GLUD1: variants seen among roughly 807,000 people sequenced by gnomAD.
GLUD1 encodes the protein glutamate dehydrogenase 1, mitochondrial.
GLUD1 carries 22 observed loss-of-function variants against 56.0 expected under a neutral mutation model. That is an observed-to-expected ratio of 0.39 (90% CI 0.28 to 0.56). GLUD1 has a LOEUF of 0.56. GLUD1 is among the 20% of genes least tolerant of loss of function. GLUD1 has a pLI of 0.58. For synonymous variants in GLUD1, 223 were observed against 269.9 expected, an observed-to-expected ratio of 0.83 and a Z score of 1.70; for missense variants, 451 against 732.0, an observed-to-expected ratio of 0.62 and a Z score of 4.43.
At chr10:87,060,338 G>T (rs1268437008) in intron 8 of GLUD1, 97 bp from the exon 9 acceptor site, 1 of 854,716 alleles carries the variant, frequency 1.2e-6, no homozygotes. Context: ...AGGGGCTGTG[G>T]GGAGAAGCAC....
chr10:87,081,627 C>T, intron 1 of GLUD1, among the ~76,000 whole-genome samples: 1 of 152,150 alleles, frequency 6.6e-6, no homozygotes, highest in Non-Finnish European at 1.5e-5. Flanking sequence ...CCTTGGGATC[C>T]TGTTGATCTG....
chr10:87,051,820 T>C lies in GLUD1; in HGVS notation c.1608A>G (p.Thr536=), dbSNP rs1002909835. ...TCTCAATGGCATTAACATAGGCAGC[T>C]GTTCTCAGGTCCAATCCCAGGTTAT... ...MKYNLGLDLR[T]AAYVNAIEKV... The change falls in exon 13 of 13, where the codon ACA becomes ACG. Residue 536 remains threonine, a synonymous_variant. Transcript: ENST00000277865. 4.3e-6 allele frequency: 7 copies of C among 1,613,968 alleles called. No individual in the cohort carries two copies. In the South Asian group the frequency reaches 4.4e-5, roughly 10 times the overall value.
intron 1 of GLUD1, chr10:87,093,999 T>G (rs1420605436): frequency 1.4e-6 from 2 of 1,451,228 alleles, no homozygotes; most frequent in African/African-American, 2.8e-5. Flanking sequence ...AGAAGTGCAT[T>G]TCGGCAGGAC....
intron 4 of GLUD1, among the ~76,000 whole-genome samples, chr10:87,068,600 G>A (rs1846139699): frequency 6.6e-6 from 1 of 152,112 alleles, no homozygotes; most frequent in Admixed American, 6.5e-5. Flanking sequence ...GCTTAGTGGG[G>A]GTATAAGCCC....
At position 87,094,762 on chromosome 10, in the gene GLUD1, CG is replaced by C; in HGVS notation, c.7del (p.Arg3AlafsTer87). Reference sequence around the variant, plus strand: ...CAGCAACAGCGCTTCGCCCAGGTAGCGGTACATGGCCACAAGCGGAGGGGAG... The same window carrying C: ...CAGCAACAGCGCTTCGCCCAGGTAGCGTACATGGCCACAAGCGGAGGGGAG... MY[R>X]YLGEALLLSR... On this transcript the variant is annotated frameshift_variant, in exon 1 of 13. Transcript: ENST00000277865. LOFTEE classifies it high-confidence loss of function. The surrounding 1 kb of genome is among the most constrained non-coding windows in gnomAD (Gnocchi z 6.6). 1 of 1,537,322 alleles carries C rather than the reference CG, an allele frequency of 6.5e-7. No homozygotes were observed. Among genetic ancestry groups the C allele is most frequent in the Non-Finnish European group, 8.8e-7 (1 of 1,139,832 alleles).
Position 87,067,900 on chromosome 10 carries a change from C to T in GLUD1, c.741+163G>A, listed in dbSNP as rs565722076. Reference sequence around the variant, plus strand: ...AGTAAAGCTCAATCTGTGTTCATTACGATTTAAGAATAGACAAGTAGACAT... The same window carrying T: ...AGTAAAGCTCAATCTGTGTTCATTATGATTTAAGAATAGACAAGTAGACAT... On this transcript the variant is annotated intron_variant, in intron 5 of 12. Coordinates refer to ENST00000277865, the MANE Select transcript of GLUD1 (RefSeq NM_005271.5). The T allele has an allele frequency of 3.8e-3, 2,410 of 635,116 alleles. 6 individuals carry two copies. Among genetic ancestry groups the T allele is most frequent in the Non-Finnish European group, 5.9e-3 (2,040 of 346,914 alleles). The allele number at this position is 635,116 out of a possible 1,614,324, so 39.3% of individuals were successfully genotyped here. A position where few individuals can be genotyped will look rare whatever the true frequency, so the allele number is the denominator to read the frequency against.
intron 5 of GLUD1, among the ~76,000 whole-genome samples, chr10:87,067,026 G>A (rs762661262): frequency 1.3e-5 from 2 of 152,176 alleles, no homozygotes; most frequent in Admixed American, 1.3e-4. Flanking sequence ...TGCCTCACAT[G>A]TGCAATGCTC....
Position 87,050,322 on chromosome 10 carries a change from A to C in GLUD1, c.*1429T>G, listed in dbSNP as rs920160827. ...TCTGAACGTGTAAAGCACCGAACAA[A>C]AAAAAAAAAAACAATTCAAGAATAA... is the stretch of plus-strand genomic sequence containing the variant. On this transcript the variant is annotated 3_prime_UTR_variant, in exon 13 of 13. Transcript: ENST00000277865. Among the ~76,000 whole-genome samples the C allele has an allele frequency of 1.3e-5, 2 of 151,810 alleles. No individual in the cohort carries two copies. The highest frequency in any genetic ancestry group is 1.9e-4 in the East Asian group (1 of 5,198).
Position 87,068,109 on chromosome 10 carries a change from T to C in GLUD1, c.695A>G (p.Glu232Gly). 6.2e-7 allele frequency: 1 copy of C among 1,613,560 alleles called. No individual in the cohort carries two copies. Among genetic ancestry groups the C allele is most frequent in the Non-Finnish European group, 8.5e-7 (1 of 1,179,524 alleles). ...ATAGGTATCAGCGATCCAGGACATC[T>C]CCCGCTCACCTGTGCTCATGTCTGG... ...PAPDMSTGEREMSWIADTYAS... is the reference protein window; with the variant it reads ...PAPDMSTGERGMSWIADTYAS... Residue 232 changes from glutamate (E) to glycine (G), a missense_variant, in exon 5 of 13, where the codon GAG becomes GGG. Glu to Gly is a moderately conservative substitution (Grantham distance 98). Transcript: ENST00000277865.
chr10:87,051,596 T>C lies in GLUD1; in HGVS notation c.*155A>G, dbSNP rs1279699648. 1 of 873,512 alleles carries C rather than the reference T, an allele frequency of 1.1e-6. No individual in the cohort carries two copies. The highest frequency in any genetic ancestry group is 2.4e-5 in the East Asian group (1 of 41,256). The allele number at this position is 873,512 out of a possible 1,614,324, so 54.1% of individuals were successfully genotyped here. A position where few individuals can be genotyped will look rare whatever the true frequency, so the allele number is the denominator to read the frequency against. ...TGATCCGCTAACCTTAATTTCTTTC[T>C]CCTTAACGGGCTGACTTGGATTGAC... On this transcript the variant is annotated 3_prime_UTR_variant, in exon 13 of 13. Transcript: ENST00000277865.
chr10:87,059,729 C>T (rs983503872), intron 9 of GLUD1, among the ~76,000 whole-genome samples: 11 of 152,202 alleles, frequency 7.2e-5, no homozygotes, highest in Non-Finnish European at 1.3e-4. Flanking sequence ...TCCAAGCCCA[C>T]ATTAATTTCT....
Position 87,068,064 on chromosome 10 carries a change from T to C in GLUD1, c.740A>G (p.Tyr247Cys). The C allele has an allele frequency of 6.3e-7, 1 of 1,579,824 alleles. No homozygotes were observed. Among genetic ancestry groups the C allele is most frequent in the East Asian group, 2.2e-5 (1 of 44,738 alleles). The change falls in exon 5 of 13, where the codon TAT becomes TGT. Residue 247 changes from tyrosine to cysteine, a missense_variant and splice_region_variant. Physicochemically the swap from Tyr to Cys is radical, Grantham distance 194. Around this residue, in one of 4 missense-constraint regions of GLUD1, gnomAD observed 248 missense variants for 460.0 expected, o/e 0.54. Transcript: ENST00000277865. ...TCGGGGCTTCCAGTGGGTACTCACA[T>C]AGTGCCCTATGGTGCTGGCATAGGT... Reference protein sequence around the residue: ...ADTYASTIGHYDINAHACVTG... With the variant: ...ADTYASTIGHCDINAHACVTG...
In GLUD1 at chr10:87,050,287, G is replaced by A. The variant is rs886047368; in HGVS notation, c.*1464C>T. Among the ~76,000 whole-genome samples the A allele has an allele frequency of 3.3e-5, 5 of 151,316 alleles. No individual in the cohort carries two copies. The highest frequency in any genetic ancestry group is 4.9e-5 in the African/African-American group (2 of 41,064). On this transcript the variant is annotated 3_prime_UTR_variant, in exon 13 of 13. Transcript: ENST00000277865. Reference sequence around the variant, plus strand: ...GGATCATTTCTATAGTTCGTTACTCGGGAAGTTTCTCTGAACGTGTAAAGC... The same window carrying A: ...GGATCATTTCTATAGTTCGTTACTCAGGAAGTTTCTCTGAACGTGTAAAGC...
In GLUD1 at chr10:87,094,682, G is replaced by A. The variant is rs1254031052; in HGVS notation, c.88C>T (p.Leu30=). Residue 30 remains leucine, a synonymous_variant, in exon 1 of 13, where the codon CTG becomes TTG. Coordinates refer to ENST00000277865, the MANE Select transcript of GLUD1 (RefSeq NM_005271.5). This position sits in a 1 kb window ranked among gnomAD's most constrained non-coding sequence, Gnocchi z 6.6. ...GSASADSAAL[L]GWARGQPAAA... is the part of the protein sequence containing the mutation. The stretch of plus-strand genomic sequence containing the variant: ...GCGGGCTGTCCCCGGGCCCAGCCCA[G>A]CAACGCGGCCGAGTCGGCGGACGCC... The A allele has an allele frequency of 3.3e-6, 5 of 1,511,254 alleles. No homozygotes were observed. The South Asian group carries it at 6.2e-5, about 19-fold the overall frequency. 93.6% of individuals were successfully genotyped at this position (1,511,254 alleles called of 1,614,324 possible).
intron 4 of GLUD1, among the ~76,000 whole-genome samples, chr10:87,069,465 A>T (rs963554722): frequency 1.7e-4 from 26 of 151,538 alleles, no homozygotes; most frequent in African/African-American, 6.1e-4. Flanking sequence ...CAGTGAGCCA[A>T]GATCGCGCCA....
chr10:87,056,115 C>CAAAAAA (rs201114912), intron 11 of GLUD1, among the ~76,000 whole-genome samples: 1 of 62,764 alleles, frequency 1.6e-5, no homozygotes, highest in African/African-American at 7.2e-5. Context: ...GACTCTGTCT[C>CAAAAAA]AAAAAAAAAA....
chr10:87,082,735 G>T (rs1841291003), intron 1 of GLUD1, among the ~76,000 whole-genome samples: 1 of 152,180 alleles, frequency 6.6e-6, no homozygotes, highest in African/African-American at 2.4e-5. Context: ...TAAACTGGTA[G>T]TCTGAAAAAC....
intron 1 of GLUD1, among the ~76,000 whole-genome samples, chr10:87,078,206 T>C (rs1451057429): frequency 4.6e-5 from 7 of 152,196 alleles, no homozygotes; most frequent in Non-Finnish European, 1.0e-4. Flanking sequence ...TATAACTGAT[T>C]CTCAAATTGT....
Position 87,094,599 on chromosome 10 carries a change from C to T in GLUD1, c.171G>A (p.Val57=). The change falls in exon 1 of 13, where the codon GTG becomes GTA. Residue 57 remains valine, a synonymous_variant. Transcript: ENST00000277865. This position sits in a 1 kb window ranked among gnomAD's most constrained non-coding sequence, Gnocchi z 6.6. ...AGTTGGGGTCGTCCTCGCGGTCGGC[C>T]ACCGCCTCGCTGTAGTGGCGCCGGG... ...LAARRHYSEA[V]ADREDDPNFF... is the part of the protein sequence containing the mutation. 1.4e-5 allele frequency: 23 copies of T among 1,610,976 alleles called. No individual in the cohort carries two copies. The highest frequency in any genetic ancestry group is 1.9e-5 in the Non-Finnish European group (23 of 1,179,734).
Sources: gnomAD v4.1 joint callset for allele counts (sites outside exome capture counted in the v4.1 genomes callset) on GRCh38, gnomAD v4.1.1 for gene constraint, gnomAD v4.1.1 regional missense constraint, Gnocchi (gnomAD v3.1) non-coding constraint, MANE v1.5 for transcripts, NCBI Gene and HGNC (gene_info 2026-07-23, HGNC 2026-07-21) for gene names.